DPH6: variants seen among roughly 807,000 people sequenced by gnomAD.
DPH6 encodes diphthamine biosynthesis 6.
DPH6 carries 33 observed loss-of-function variants against 38.2 expected under a neutral mutation model. That is an observed-to-expected ratio of 0.86 (90% CI 0.65 to 1.15). DPH6 has a LOEUF of 1.15. Ranked by LOEUF, DPH6 falls within the 50% of genes most tolerant of loss-of-function variation. The pLI, the probability that DPH6 is intolerant of heterozygous loss-of-function variation, is 0.00. For synonymous variants in DPH6, 108 were observed against 103.0 expected (o/e 1.05, Z -0.30); for missense variants, 325 against 320.0 (o/e 1.02, Z -0.12).
chr15:35,324,416 T>C (rs1288877600), intron 3 of DPH6, among the ~76,000 whole-genome samples: 3 of 152,090 alleles, frequency 2.0e-5, no homozygotes, highest in Admixed American at 2.0e-4. Context: ...ATGAAGAATA[T>C]AATACAGATA....
intron 3 of DPH6, among the ~76,000 whole-genome samples, chr15:35,518,188 T>TAA (rs1299020134): frequency 6.6e-6 from 1 of 152,010 alleles, no homozygotes; most frequent in Non-Finnish European, 1.5e-5. Flanking sequence ...ACAAAGCCCT[T>TAA]ACACAAAAGG....
At chr15:35,273,143 A>T (rs77064542) in intron 3 of DPH6, among the ~76,000 whole-genome samples, 10 of 145,272 alleles carry the variant, frequency 6.9e-5, no homozygotes, top group East Asian at 2.0e-4. Flanking sequence ...CTTTAAAATT[A>T]AAAAAAAAAA....
At chr15:35,458,738 T>C (rs147679175) in intron 3 of DPH6, among the ~76,000 whole-genome samples, 326 of 152,322 alleles carry the variant, frequency 2.1e-3, no homozygotes, top group African/African-American at 7.3e-3. Flanking sequence ...ATTAGTAATA[T>C]AGACTCTGGG....
chr15:35,449,051 T>A (rs1355016462), intron 5 of DPH6, among the ~76,000 whole-genome samples: 1 of 151,192 alleles, frequency 6.6e-6, no homozygotes, highest in African/African-American at 2.4e-5. Flanking sequence ...TTTAAAATTG[T>A]TCTGATAATT....
chr15:35,528,141 C>T (rs1440653547), intron 3 of DPH6, among the ~76,000 whole-genome samples: 3 of 152,094 alleles, frequency 2.0e-5, no homozygotes, highest in Admixed American at 6.6e-5. Flanking sequence ...TGAAAAGATA[C>T]TAATATCATA....
chr15:35,336,564 ATGAT>A (rs2052374715), intron 3 of DPH6, among the ~76,000 whole-genome samples: 1 of 152,162 alleles, frequency 6.6e-6, no homozygotes, highest in Non-Finnish European at 1.5e-5. Flanking sequence ...CCCATTCAGT[ATGAT>A]ACTGGCTGTG....
chr15:35,160,542 C>T, the DPH6 span, among the ~76,000 whole-genome samples: 100 of 151,728 alleles, frequency 6.6e-4, 1 homozygote, highest in Non-Finnish European at 8.5e-4. Flanking sequence ...ATTTTGTCAT[C>T]CAGGTAGTGA....
intron 3 of DPH6, chr15:35,282,845 T>G (rs1203142326): frequency 3.5e-5 from 12 of 342,240 alleles, no homozygotes; most frequent in African/African-American, 2.6e-4. Flanking sequence ...ATCAGCCTGG[T>G]TGTGGGCCAG....
chr15:35,280,457 A>G (rs1017908614), intron 3 of DPH6, among the ~76,000 whole-genome samples: 15 of 152,138 alleles, frequency 9.9e-5, no homozygotes, highest in African/African-American at 3.6e-4. Flanking sequence ...AGAATTTATA[A>G]AATGGTTAGC....
chr15:35,174,915 A>G, the DPH6 span, among the ~76,000 whole-genome samples: 4,417 of 152,286 alleles, frequency 0.029, 201 homozygotes, highest in African/African-American at 0.1. Context: ...TTTAAAAAAT[A>G]TGTGTATCTC....
At chr15:35,222,615 A>G (rs1303349378) in intron 3 of DPH6, among the ~76,000 whole-genome samples, 1 of 152,162 alleles carries the variant, frequency 6.6e-6, no homozygotes, top group Non-Finnish European at 1.5e-5. Flanking sequence ...CACTGAATAC[A>G]CAATTCACAT....
intron 5 of DPH6, among the ~76,000 whole-genome samples, chr15:35,417,609 G>A (rs1256335622): frequency 6.6e-6 from 1 of 151,970 alleles, no homozygotes; most frequent in Middle Eastern, 3.2e-3. Flanking sequence ...ACCCACTTAC[G>A]TTTCTAAGCA....
intron 3 of DPH6, among the ~76,000 whole-genome samples, chr15:35,500,913 G>T (rs1359457388): frequency 6.6e-6 from 1 of 151,988 alleles, no homozygotes; most frequent in African/African-American, 2.4e-5. Context: ...GCTAATTTTT[G>T]TATTTTTAGT....
chr15:35,168,522 T>C, the DPH6 span, among the ~76,000 whole-genome samples: 1 of 152,016 alleles, frequency 6.6e-6, no homozygotes, highest in Non-Finnish European at 1.5e-5. Flanking sequence ...ATGATGGTCA[T>C]TAGGGCCTTG....
the DPH6 span, among the ~76,000 whole-genome samples, chr15:35,183,197 G>A: frequency 4.0e-4 from 61 of 152,264 alleles, no homozygotes; most frequent in Non-Finnish European, 8.2e-4. Context: ...AATTTTGCAA[G>A]CAAAGTATCT....
intron 3 of DPH6, among the ~76,000 whole-genome samples, chr15:35,313,407 C>A (rs994023327): frequency 6.6e-6 from 1 of 151,256 alleles, no homozygotes; most frequent in Non-Finnish European, 1.5e-5. Flanking sequence ...GGGACTACAT[C>A]GAATCTGTAA....
intron 3 of DPH6, among the ~76,000 whole-genome samples, chr15:35,496,469 C>T (rs1282928953): frequency 6.8e-6 from 1 of 148,092 alleles, no homozygotes; most frequent in Non-Finnish European, 1.5e-5. Context: ...GCAGGAGAAT[C>T]GCTAGAACCC....
At chr15:35,269,360 A>T (rs552685150) in intron 3 of DPH6, among the ~76,000 whole-genome samples, 1 of 152,374 alleles carries the variant, frequency 6.6e-6, no homozygotes, top group East Asian at 1.9e-4. Context: ...GGAGAACTCA[A>T]TGCAACCCCA....
chr15:35,421,012 T>A (rs2053498466), intron 5 of DPH6, among the ~76,000 whole-genome samples: 1 of 152,160 alleles, frequency 6.6e-6, no homozygotes, highest in African/African-American at 2.4e-5. Context: ...ACAGTTAAAC[T>A]GTATTTAACA....
Sources: allele counts gnomAD v4.1 joint callset (sites outside exome capture counted in the v4.1 genomes callset), GRCh38; gene constraint gnomAD v4.1.1; transcripts MANE v1.5; gene names NCBI Gene and HGNC (gene_info 2026-07-23, HGNC 2026-07-21).